The following PRKCI variants were observed in gnomAD, a reference collection of about 807,000 sequenced individuals.
The protein encoded by PRKCI is protein kinase C iota type.
In PRKCI, 43 loss-of-function variants were observed where a neutral mutation model predicts 84.0. The observed-to-expected ratio is 0.51, with a 90% confidence interval of 0.40 to 0.66. PRKCI has a LOEUF of 0.66. Ranked by LOEUF, PRKCI falls within the 30% of genes least tolerant of loss-of-function variation. PRKCI has a pLI of 0.00. For synonymous variants in PRKCI, 216 were observed against 234.4 expected, an observed-to-expected ratio of 0.92 and a Z score of 0.72; for missense variants, 459 against 745.6, an observed-to-expected ratio of 0.62 and a Z score of 4.48.
At chr3:170,261,448 T>C (rs1318182868) in intron 3 of PRKCI, among the ~76,000 whole-genome samples, 1 of 143,720 alleles carries the variant, frequency 7.0e-6, no homozygotes, top group Non-Finnish European at 1.5e-5. Context: ...TCCTTTACAG[T>C]GTTTTTTTTT....
At position 170,270,500 on chromosome 3, in the gene PRKCI, T is replaced by C; in HGVS notation, c.530T>C (p.Leu177Ser). The C allele has an allele frequency of 6.2e-7, 1 of 1,613,778 alleles. No homozygotes were observed. ...TATAAGTGCATCAACTGCAAACTCTTGGTTCATAAGAAGTGCCATAAACTC... is the reference window on the plus strand; with the variant it reads ...TATAAGTGCATCAACTGCAAACTCTCGGTTCATAAGAAGTGCCATAAACTC... Reference protein sequence around the residue: ...QGYKCINCKLLVHKKCHKLVT... With the variant: ...QGYKCINCKLSVHKKCHKLVT... Residue 177 changes from leucine (L) to serine (S), a missense_variant, in exon 6 of 18, where the codon TTG becomes TCG. Around this residue, in one of 2 missense-constraint regions of PRKCI, gnomAD observed 250 missense variants for 319.7 expected, o/e 0.78. Transcript: ENST00000295797.
chr3:170,290,533 A>G (rs939302064), intron 12 of PRKCI, among the ~76,000 whole-genome samples: 20 of 150,394 alleles, frequency 1.3e-4, no homozygotes, highest in East Asian at 3.9e-4. Flanking sequence ...TGTATTTTGT[A>G]TATATATATA....
rs1732514805 is a variant in PRKCI, at chr3:170,222,589, G to A, written c.-81G>A. The A allele has an allele frequency of 3.2e-6, 4 of 1,232,214 alleles. No individual in the cohort carries two copies. Among genetic ancestry groups the A allele is most frequent in the South Asian group, 3.1e-5 (2 of 64,292 alleles). 76.3% of individuals were successfully genotyped at this position (1,232,214 alleles called of 1,614,324 possible). A position where few individuals can be genotyped will look rare whatever the true frequency, so the allele number is the denominator to read the frequency against. On this transcript the variant is annotated 5_prime_UTR_variant, in exon 1 of 18. Transcript: ENST00000295797. ...GGACGGCCGCGGTTCTCCGGCAAGC[G>A]CAGGCGGCGGAGTCCCCCACGGCGC...
rs151065908 is a variant in PRKCI at position 170,258,496 on chromosome 3, G to A, written c.224-1473G>A. Among the ~76,000 whole-genome samples, 1,175 of 151,926 alleles carry A rather than the reference G, an allele frequency of 7.7e-3. 14 individuals are homozygous for A. Among genetic ancestry groups the A allele is most frequent in the African/African-American group, 0.027 (1,129 of 41,446 alleles). ...AATTTTTGTATTTTTAGTGGAGATG[G>A]GCTTTCATCATGTTGGCCAGGCTGG... is the stretch of plus-strand genomic sequence containing the variant. On this transcript the variant is annotated intron_variant, in intron 2 of 17. Coordinates refer to ENST00000295797, the MANE Select transcript of PRKCI (RefSeq NM_002740.6).
chr3:170,300,729 A>G, intron 17 of PRKCI, among the ~76,000 whole-genome samples: 1 of 150,376 alleles, frequency 6.6e-6, no homozygotes, highest in Non-Finnish European at 1.5e-5. Flanking sequence ...ACCCCTTACA[A>G]TCGAACCTGT....
intron 1 of PRKCI, among the ~76,000 whole-genome samples, chr3:170,230,754 G>C (rs1732766435): frequency 6.6e-6 from 1 of 152,096 alleles, no homozygotes; most frequent in Non-Finnish European, 1.5e-5. Context: ...TTATTGGGCA[G>C]ATTGTCCTTT....
chr3:170,222,622 G>T lies in PRKCI; in HGVS notation c.-48G>T, dbSNP rs1560162690. On this transcript the variant is annotated 5_prime_UTR_variant, in exon 1 of 18. Transcript: ENST00000295797. ...CGGAGTCCCCCACGGCGCCCGAAGC[G>T]CCCCCCCGCACCCCCGGCCTCCAGC... is the stretch of plus-strand genomic sequence containing the variant. 7 of 1,482,220 alleles carry T rather than the reference G, an allele frequency of 4.7e-6. No homozygotes were observed. The highest frequency in any genetic ancestry group is 2.2e-5 in the Admixed American group (1 of 46,000). 91.8% of individuals were successfully genotyped at this position (1,482,220 alleles called of 1,614,324 possible). A position where few individuals can be genotyped will look rare whatever the true frequency, so the allele number is the denominator to read the frequency against.
chr3:170,284,439 C>T (rs1412153578), intron 11 of PRKCI, 22 bp from the exon 12 acceptor site: 1 of 1,516,532 alleles, frequency 6.6e-7, no homozygotes, highest in Non-Finnish European at 9.0e-7. Context: ...AATCAAATGA[C>T]TTATTTTTTA....
intron 7 of PRKCI, among the ~76,000 whole-genome samples, chr3:170,273,660 C>G (rs894488006): frequency 6.7e-6 from 1 of 149,144 alleles, no homozygotes; most frequent in African/African-American, 2.5e-5. Flanking sequence ...ACTAAAAATA[C>G]AAAAATTAGC....
chr3:170,223,262 T>C (rs895754385), intron 1 of PRKCI, among the ~76,000 whole-genome samples: 4 of 152,220 alleles, frequency 2.6e-5, no homozygotes, highest in Non-Finnish European at 5.9e-5. Flanking sequence ...ATCCCCGTTG[T>C]GTTCACGTAG....
chr3:170,250,228 T>C lies in PRKCI; in HGVS notation c.224-9741T>C, dbSNP rs561707228. ...CTGGAGGTTGCAGTGAGCCGAGGTGTCACCACCACACTCCAGCCTGGGTGA... is the reference window on the plus strand; with the variant it reads ...CTGGAGGTTGCAGTGAGCCGAGGTGCCACCACCACACTCCAGCCTGGGTGA... On this transcript the variant is annotated intron_variant, in intron 2 of 17. Coordinates refer to ENST00000295797, the MANE Select transcript of PRKCI (RefSeq NM_002740.6). Among the ~76,000 whole-genome samples the C allele has an allele frequency of 2.3e-4, 34 of 147,204 alleles. No individual in the cohort carries two copies. In the East Asian group the frequency reaches 6.9e-3, roughly 30 times the overall value.
chr3:170,226,024 T>C (rs1732619451), intron 1 of PRKCI, among the ~76,000 whole-genome samples: 1 of 152,104 alleles, frequency 6.6e-6, no homozygotes, highest in Non-Finnish European at 1.5e-5. Flanking sequence ...GGGATTCTCC[T>C]GCGGCTGCCT....
rs183522430 is a variant in PRKCI, at chr3:170,305,268, T to A, written c.*2141T>A. The A allele has an allele frequency of 2.5e-4, 38 of 152,762 alleles. No individual in the cohort carries two copies. The highest frequency in any genetic ancestry group is 8.7e-4 in the African/African-American group (36 of 41,582). The allele number at this position is 152,762 out of a possible 1,614,324, so 9.5% of individuals were successfully genotyped here. A position where few individuals can be genotyped will look rare whatever the true frequency, so the allele number is the denominator to read the frequency against. ...CACACTAGTGAGCCCACCTTAGACT[T>A]CTTTTGGGGCCTTCGACCTCACTTT... On this transcript the variant is annotated 3_prime_UTR_variant, in exon 18 of 18. Coordinates refer to ENST00000295797, the MANE Select transcript of PRKCI (RefSeq NM_002740.6).
chr3:170,286,079 C>T (rs1327057282), intron 12 of PRKCI, among the ~76,000 whole-genome samples: 1 of 152,074 alleles, frequency 6.6e-6, no homozygotes, highest in East Asian at 1.9e-4. Context: ...CACCTGCCAC[C>T]ATGCCCGGCT....
At chr3:170,278,910 A>C (rs1269234357) in intron 8 of PRKCI, among the ~76,000 whole-genome samples, 1 of 152,202 alleles carries the variant, frequency 6.6e-6, no homozygotes, top group Admixed American at 6.5e-5. Context: ...CAAGCCATTC[A>C]TGAGGAATCT....
At chr3:170,263,507 A>G in intron 4 of PRKCI, 78 bp downstream of exon 4, 1 of 1,311,742 alleles carries the variant, frequency 7.6e-7, no homozygotes. Context: ...CAGAGATAGA[A>G]TTTTTAGCTA....
intron 17 of PRKCI, among the ~76,000 whole-genome samples, chr3:170,299,867 A>G (rs1210794043): frequency 1.3e-5 from 2 of 152,200 alleles, no homozygotes; most frequent in Non-Finnish European, 2.9e-5. Context: ...AGATTCCTAG[A>G]AAGAGAATTA....
At position 170,291,957 on chromosome 3, in the gene PRKCI, G is replaced by T. The variant is rs757909106; in HGVS notation, c.1291+16G>T. On this transcript the variant is annotated intron_variant, in intron 13 of 17. Transcript: ENST00000295797. ...GAAGATTATGGTAATAAATAAATTG[G>T]TGGTATTATTTTAGCTATTGCTAGA... The T allele has an allele frequency of 6.5e-7, 1 of 1,545,822 alleles. No homozygotes were observed. The highest frequency in any genetic ancestry group is 8.9e-7 in the Non-Finnish European group (1 of 1,118,322).
chr3:170,247,730 C>CAAAAAA (rs72411481), intron 2 of PRKCI, among the ~76,000 whole-genome samples: 4 of 27,906 alleles, frequency 1.4e-4, no homozygotes, highest in Admixed American at 5.4e-4. Context: ...AACTCTGTCT[C>CAAAAAA]AAAAAAAAAA....
Sources: allele counts gnomAD v4.1 joint callset (sites outside exome capture counted in the v4.1 genomes callset), GRCh38; gene constraint gnomAD v4.1.1; regional missense constraint gnomAD v4.1.1; transcripts MANE v1.5; gene names NCBI Gene and HGNC (gene_info 2026-07-23, HGNC 2026-07-21).